ATP8B4: variants seen among roughly 807,000 people sequenced by gnomAD.
ATP8B4 encodes probable phospholipid-transporting ATPase IM.
A neutral mutation model predicts 145.6 loss-of-function variants in ATP8B4; 133 were observed. That is an observed-to-expected ratio of 0.91 (90% CI 0.79 to 1.05). ATP8B4 has a LOEUF of 1.05. Ranked by LOEUF, ATP8B4 falls within the 50% of genes least tolerant of loss-of-function variation. The pLI is 0.00. For synonymous variants in ATP8B4, 507 were observed against 492.9 expected (o/e 1.03, Z -0.38); for missense variants, 1,458 against 1,425.2 (o/e 1.02, Z -0.37).
intron 26 of ATP8B4, 61 bp from the exon 27 acceptor site, chr15:49,862,436 T>G (rs1481127187): frequency 1.9e-6 from 3 of 1,549,014 alleles, no homozygotes; most frequent in Non-Finnish European, 2.6e-6. Context: ...TATTAATTAA[T>G]AGGTTCTTTG....
chr15:49,987,594 A>C (rs1198662011), intron 9 of ATP8B4, 45 bp from the exon 10 acceptor site: 11 of 1,576,478 alleles, frequency 7.0e-6, no homozygotes, highest in Non-Finnish European at 8.6e-6. Flanking sequence ...GACTCACCCA[A>C]AATTCTCTTC....
chr15:50,057,689 C>T (rs1207369707), intron 3 of ATP8B4, among the ~76,000 whole-genome samples: 3 of 152,174 alleles, frequency 2.0e-5, no homozygotes, highest in South Asian at 2.1e-4. Flanking sequence ...TCTGTCTCCC[C>T]ACAAAGCAAA....
intron 1 of ATP8B4, among the ~76,000 whole-genome samples, chr15:50,129,117 A>G (rs556237658): frequency 1.3e-5 from 2 of 152,322 alleles, no homozygotes; most frequent in Admixed American, 1.3e-4. Context: ...TTTTTAGGGC[A>G]TATAGGTAAT....
chr15:49,911,943 T>C lies in ATP8B4; in HGVS notation c.2141+4991A>G, dbSNP rs1185514367. On this transcript the variant is annotated intron_variant, in intron 20 of 27. Coordinates refer to ENST00000284509, the MANE Select transcript of ATP8B4 (RefSeq NM_024837.4). ...TGTTCCTGAATGAATACTGGGCCAA[T>C]GAAAAAAGTAAGATGAAAATGAAAA... Among the ~76,000 whole-genome samples the C allele has an allele frequency of 5.3e-5, 8 of 151,754 alleles. No homozygotes were observed. The South Asian group carries it at 1.5e-3, about 28-fold the overall frequency.
At position 49,931,316 on chromosome 15, in the gene ATP8B4, T is replaced by G; in HGVS notation, c.1454-9A>C. On this transcript the variant is annotated splice_polypyrimidine_tract_variant and intron_variant, in intron 15 of 27. Transcript: ENST00000284509. ...TTGGTAAATCAGCTCTCCTAAAAGGTAAAGAAACAAGTGTATCAATACTGA... is the reference window on the plus strand; with the variant it reads ...TTGGTAAATCAGCTCTCCTAAAAGGGAAAGAAACAAGTGTATCAATACTGA... 6.2e-7 allele frequency: 1 copy of G among 1,609,512 alleles called. No individual in the cohort carries two copies. Among genetic ancestry groups the G allele is most frequent in the Non-Finnish European group, 8.5e-7 (1 of 1,177,332 alleles).
intron 23 of ATP8B4, among the ~76,000 whole-genome samples, chr15:49,888,659 T>C (rs925151611): frequency 6.6e-6 from 1 of 152,146 alleles, no homozygotes; most frequent in African/African-American, 2.4e-5. Context: ...CAGGTATAAA[T>C]TGTGAATCCA....
chr15:49,861,416 GTGTGTGTGTCTGTCTGTC>G (rs1378661324), intron 27 of ATP8B4, among the ~76,000 whole-genome samples: 7 of 137,420 alleles, frequency 5.1e-5, no homozygotes, highest in African/African-American at 1.9e-4. Flanking sequence ...GTGTGTGTGT[GTGTGTGTGTCTGTCTGTC>G]TGTCTGTCTG....
At chr15:49,861,420 GTGTGTCTGTCTGTC>G (rs1288565247) in intron 27 of ATP8B4, among the ~76,000 whole-genome samples, 6 of 133,502 alleles carry the variant, frequency 4.5e-5, no homozygotes, top group African/African-American at 1.6e-4. Flanking sequence ...GTGTGTGTGT[GTGTGTCTGTCTGTC>G]TGTCTGTCTG....
At chr15:49,868,208 G>C (rs531560268) in intron 25 of ATP8B4, among the ~76,000 whole-genome samples, 93 of 152,074 alleles carry the variant, frequency 6.1e-4, no homozygotes, top group Non-Finnish European at 9.6e-4. Context: ...GGAGGAAAAA[G>C]AATCAACCTA....
intron 2 of ATP8B4, among the ~76,000 whole-genome samples, chr15:50,077,406 G>T (rs1567314841): frequency 1.3e-5 from 2 of 152,176 alleles, no homozygotes; most frequent in Admixed American, 6.5e-5. Flanking sequence ...CATAAATTTT[G>T]AAGAAAGCCT....
At chr15:50,027,986 A>G (rs889192520) in intron 6 of ATP8B4, among the ~76,000 whole-genome samples, 2 of 152,222 alleles carry the variant, frequency 1.3e-5, no homozygotes, top group Non-Finnish European at 2.9e-5. Flanking sequence ...ATTAGAAAAT[A>G]CCATCAACTT....
intron 3 of ATP8B4, among the ~76,000 whole-genome samples, chr15:50,062,887 C>T (rs972010774): frequency 3.9e-5 from 6 of 152,086 alleles, no homozygotes; most frequent in African/African-American, 7.2e-5. Flanking sequence ...ACCTCAAAAT[C>T]GTCTTTCTTA....
At chr15:49,929,187 A>G (rs187040701) in intron 16 of ATP8B4, among the ~76,000 whole-genome samples, 2 of 152,216 alleles carry the variant, frequency 1.3e-5, no homozygotes, top group Admixed American at 6.5e-5. Flanking sequence ...CAGATTTTGG[A>G]AAACCTGGGT....
At chr15:49,976,195 C>T (rs1567122040) in intron 12 of ATP8B4, among the ~76,000 whole-genome samples, 1 of 151,968 alleles carries the variant, frequency 6.6e-6, no homozygotes, top group Non-Finnish European at 1.5e-5. Context: ...ATAACTGACA[C>T]TCTTTGTTTA....
chr15:49,891,035 G>T (rs2036731601), intron 23 of ATP8B4, among the ~76,000 whole-genome samples: 1 of 152,100 alleles, frequency 6.6e-6, no homozygotes, highest in East Asian at 1.9e-4. Context: ...CAGAATTTTA[G>T]AAATTACAAG....
chr15:50,157,042 T>C (rs1172588840), intron 1 of ATP8B4, among the ~76,000 whole-genome samples: 1 of 151,752 alleles, frequency 6.6e-6, no homozygotes, highest in African/African-American at 2.4e-5. Flanking sequence ...TTCAGAAAAA[T>C]TTTAACTCAA....
intron 1 of ATP8B4, among the ~76,000 whole-genome samples, chr15:50,173,714 TA>T (rs925531521): frequency 1.0e-4 from 15 of 147,702 alleles, no homozygotes; most frequent in African/African-American, 2.5e-4. Flanking sequence ...TAAAAAAATT[TA>T]AAAAAAAAAG....
chr15:49,892,867 C>T (rs2153424032), intron 23 of ATP8B4, among the ~76,000 whole-genome samples: 1 of 152,304 alleles, frequency 6.6e-6, no homozygotes, highest in East Asian at 1.9e-4. Flanking sequence ...GAGAAATCTT[C>T]ATGCAGAAAG....
At chr15:50,172,396 G>C (rs780099151) in intron 1 of ATP8B4, among the ~76,000 whole-genome samples, 8 of 152,226 alleles carry the variant, frequency 5.3e-5, no homozygotes, top group Non-Finnish European at 1.0e-4. Context: ...TGCCAGCCTC[G>C]GCCTCCGGAG....
Sources: allele counts gnomAD v4.1 joint callset (sites outside exome capture counted in the v4.1 genomes callset), GRCh38; gene constraint gnomAD v4.1.1; transcripts MANE v1.5; gene names NCBI Gene and HGNC (gene_info 2026-07-23, HGNC 2026-07-21).